ZFC3H1: variants seen among roughly 807,000 people sequenced by gnomAD.
ZFC3H1 encodes zinc finger C3H1 domain-containing protein.
Under a neutral mutation model 243.7 loss-of-function variants are expected in ZFC3H1, and 71 were observed. That is an observed-to-expected ratio of 0.29 (90% CI 0.24 to 0.36). The LOEUF (loss-of-function observed/expected upper bound fraction) is 0.36, where lower values mean the gene tolerates loss of function less well. Among genes scored for constraint, ZFC3H1 ranks in the 10% least tolerant of loss-of-function variants. ZFC3H1 has a pLI of 1.00. For missense variants in ZFC3H1, 1,966 were observed against 2,317.1 expected (o/e 0.85, Z 3.11); for synonymous variants, 838 against 813.0 (o/e 1.03, Z -0.52).
At chr12:71,610,935 CT>C in intron 33 of ZFC3H1, 122 bp downstream of exon 33, 1 of 1,481,710 alleles carries the variant, frequency 6.7e-7, no homozygotes, top group Non-Finnish European at 9.2e-7. Context: ...TGTTTCCCCA[CT>C]TGGTTCTTAG....
chr12:71,657,112 G>A lies in ZFC3H1; in HGVS notation c.788C>T (p.Thr263Ile). The stretch of plus-strand genomic sequence containing the variant: ...GCTAGTTTGGTCCTCGAAGTTCAAT[G>A]TTTTAGGATCTTCCTGCACATTCTC... The part of the protein sequence containing the change: ...KEENVQEDPK[T>I]LNFEDQTSTD... Residue 263 changes from threonine to isoleucine, a missense_variant, in exon 2 of 35, where the codon ACA becomes ATA. This residue lies in a region of ZFC3H1 where 484 missense variants were observed against 449.7 expected (regional missense o/e 1.08). Coordinates refer to ENST00000378743, the MANE Select transcript of ZFC3H1 (RefSeq NM_144982.5). 6.2e-7 allele frequency: 1 copy of A among 1,613,920 alleles called. No homozygotes were observed. The highest frequency in any genetic ancestry group is 1.1e-5 in the South Asian group (1 of 91,076).
intron 24 of ZFC3H1, among the ~76,000 whole-genome samples, chr12:71,621,530 C>T (rs1269426949): frequency 6.6e-6 from 1 of 152,074 alleles, no homozygotes; most frequent in African/African-American, 2.4e-5. Context: ...TCTCAAACTC[C>T]TGACCTCAAG....
At chr12:71,642,229 C>T (rs1880618281) in intron 6 of ZFC3H1, among the ~76,000 whole-genome samples, 5 of 152,256 alleles carry the variant, frequency 3.3e-5, no homozygotes, top group African/African-American at 1.2e-4. Context: ...TAAAGGCTAT[C>T]TAGAAACACT....
At chr12:71,647,725 T>G in intron 3 of ZFC3H1, 24 bp downstream of exon 3, 1 of 1,359,918 alleles carries the variant, frequency 7.4e-7, no homozygotes. Context: ...ACAGAGATGA[T>G]AGTCTCACAA....
intron 18 of ZFC3H1, among the ~76,000 whole-genome samples, chr12:71,630,371 T>C (rs1017086293): frequency 2.6e-5 from 4 of 152,206 alleles, no homozygotes; most frequent in Non-Finnish European, 5.9e-5. Flanking sequence ...GCTGTCCTAC[T>C]GGCATGCACT....
rs369111342 is a variant in ZFC3H1 at position 71,614,874 on chromosome 12, C to T, written c.5320G>A (p.Val1774Met). 1.4e-5 allele frequency: 23 copies of T among 1,613,758 alleles called. No homozygotes were observed. The highest frequency in any genetic ancestry group is 4.0e-5 in the African/African-American group (3 of 74,904). The change falls in exon 29 of 35, where the codon GTG (valine) becomes ATG (methionine). Residue 1774 changes from valine (V) to methionine (M), a missense_variant. This residue lies in a region of ZFC3H1 where 1,383 missense variants were observed against 1,723.7 expected (regional missense o/e 0.80). Coordinates refer to ENST00000378743, the MANE Select transcript of ZFC3H1 (RefSeq NM_144982.5). Reference sequence around the variant, plus strand: ...TGTACTATATCACATCTCATAGCCACCCCTAATGCTGCCTCATATGCCTCC... The same window carrying T: ...TGTACTATATCACATCTCATAGCCATCCCTAATGCTGCCTCATATGCCTCC... ...TVEAYEAALGVAMRCDIVQKI... is the reference protein window; with the variant it reads ...TVEAYEAALGMAMRCDIVQKI...
rs553206229 is a variant in ZFC3H1 at position 71,638,651 on chromosome 12, A to C, written c.1628-136T>G. The C allele has an allele frequency of 8.6e-6, 6 of 701,650 alleles. No homozygotes were observed. The South Asian group carries it at 1.2e-4, about 14-fold the overall frequency. The allele number at this position is 701,650 out of a possible 1,614,324, so 43.5% of individuals were successfully genotyped here. A position where few individuals can be genotyped will look rare whatever the true frequency, so the allele number is the denominator to read the frequency against. ...TTTATCAACCTCTGATAAAATCTTT[A>C]AACCCCTCATGAGTCCACCTCCAGC... On this transcript the variant is annotated intron_variant, in intron 6 of 34. Coordinates refer to ENST00000378743, the MANE Select transcript of ZFC3H1 (RefSeq NM_144982.5).
chr12:71,613,146 C>T (rs1191981700), intron 31 of ZFC3H1, among the ~76,000 whole-genome samples, 189 bp downstream of exon 31: 1 of 152,050 alleles, frequency 6.6e-6, no homozygotes, highest in African/African-American at 2.4e-5. Flanking sequence ...TCTGAAGCGA[C>T]CAGAATTTTT....
intron 24 of ZFC3H1, among the ~76,000 whole-genome samples, chr12:71,621,934 T>C (rs1880040877): frequency 6.6e-6 from 1 of 152,156 alleles, no homozygotes; most frequent in Non-Finnish European, 1.5e-5. Context: ...CTACCATTGG[T>C]ATAATTTCTC....
intron 2 of ZFC3H1, among the ~76,000 whole-genome samples, chr12:71,655,820 A>G (rs1253607532): frequency 1.3e-5 from 2 of 151,646 alleles, no homozygotes; most frequent in African/African-American, 2.4e-5. Flanking sequence ...AAGGAAAAAG[A>G]GGGGGGGGAA....
chr12:71,647,082 T>C (rs1880747767), intron 3 of ZFC3H1, among the ~76,000 whole-genome samples: 1 of 152,208 alleles, frequency 6.6e-6, no homozygotes, highest in Admixed American at 6.5e-5. Context: ...TTCAGGGCCA[T>C]CTTTTTCCTA....
rs919293357 is a variant in ZFC3H1 at position 71,634,844 on chromosome 12, T to C, written c.2239-19A>G. On this transcript the variant is annotated intron_variant, in intron 10 of 34. Coordinates refer to ENST00000378743, the MANE Select transcript of ZFC3H1 (RefSeq NM_144982.5). ...AAGCTTGCTAAAAAAAAAAAAACAT[T>C]TGAAGTCAACTAGATCATCAGCTTT... is the stretch of plus-strand genomic sequence containing the variant. 19 of 1,577,092 alleles carry C rather than the reference T, an allele frequency of 1.2e-5. No homozygotes were observed. The highest frequency in any genetic ancestry group is 1.5e-5 in the Non-Finnish European group (18 of 1,169,456).
intron 18 of ZFC3H1, among the ~76,000 whole-genome samples, chr12:71,630,365 T>C (rs1050370896): frequency 1.3e-5 from 2 of 152,212 alleles, no homozygotes; most frequent in African/African-American, 4.8e-5. Flanking sequence ...ATCTGTGCTG[T>C]CCTACTGGCA....
At chr12:71,618,956 T>A (rs112414888) in intron 27 of ZFC3H1, among the ~76,000 whole-genome samples, 2,773 of 152,232 alleles carry the variant, frequency 0.018, 72 homozygotes, top group African/African-American at 0.063. Flanking sequence ...TGATGACCTA[T>A]CAAATAAATG....
At chr12:71,657,961 C>A (rs1305324893) in intron 1 of ZFC3H1, among the ~76,000 whole-genome samples, 4 of 151,604 alleles carry the variant, frequency 2.6e-5, no homozygotes, top group African/African-American at 9.7e-5. Flanking sequence ...TGCACTCCAG[C>A]CTGGGCAACA....
Position 71,613,281 on chromosome 12 carries a change from T to C in ZFC3H1, c.5627+54A>G, listed in dbSNP as rs1009941070. Reference sequence around the variant, plus strand: ...TCAAGTTTTCAAGAATAATCTTATATAAAGAGCCTATTCCATTAGGCAGAG... The same window carrying C: ...TCAAGTTTTCAAGAATAATCTTATACAAAGAGCCTATTCCATTAGGCAGAG... On this transcript the variant is annotated intron_variant, in intron 31 of 34. Coordinates refer to ENST00000378743, the MANE Select transcript of ZFC3H1 (RefSeq NM_144982.5). The C allele has an allele frequency of 1.7e-5, 22 of 1,288,428 alleles. No homozygotes were observed. The African/African-American group carries it at 3.0e-4, about 18-fold the overall frequency. 79.8% of individuals were successfully genotyped at this position (1,288,428 alleles called of 1,614,324 possible).
intron 27 of ZFC3H1, among the ~76,000 whole-genome samples, chr12:71,616,191 C>T (rs1366533845): frequency 9.9e-5 from 15 of 152,048 alleles, no homozygotes; most frequent in Non-Finnish European, 2.1e-4. Flanking sequence ...CCAGCTACTC[C>T]CGGGCTGAGG....
At chr12:71,651,032 G>A (rs1209894307) in intron 2 of ZFC3H1, among the ~76,000 whole-genome samples, 5 of 152,084 alleles carry the variant, frequency 3.3e-5, no homozygotes, top group Admixed American at 1.3e-4. Context: ...CTAGTTCAGC[G>A]ATGCCCAAAC....
At chr12:71,628,577 C>T (rs1880230662) in intron 20 of ZFC3H1, among the ~76,000 whole-genome samples, 1 of 152,186 alleles carries the variant, frequency 6.6e-6, no homozygotes, top group Admixed American at 6.5e-5. Flanking sequence ...AGAACACCTG[C>T]CCTTAAGGAG....
Sources: gnomAD v4.1 joint callset for allele counts (sites outside exome capture counted in the v4.1 genomes callset) on GRCh38, gnomAD v4.1.1 for gene constraint, gnomAD v4.1.1 regional missense constraint, MANE v1.5 for transcripts, NCBI Gene and HGNC (gene_info 2026-07-23, HGNC 2026-07-21) for gene names.